The following SSMEM1 variants were observed in gnomAD, a reference collection of about 807,000 sequenced individuals.
SSMEM1 encodes the protein serine-rich single-pass membrane protein 1.
In SSMEM1, 12 loss-of-function variants were observed where a neutral mutation model predicts 9.9. The ratio of observed to expected loss-of-function variants is 1.21; its 90% CI spans 0.78 to 1.96. SSMEM1 has a LOEUF of 1.96. SSMEM1 is among the 30% of genes most tolerant of loss of function. The probability of loss-of-function intolerance (pLI) is 0.00; values close to 1 mark genes in which losing one functional copy is unlikely to be tolerated. For synonymous variants in SSMEM1, 96 were observed against 98.9 expected, an observed-to-expected ratio of 0.97 and a Z score of 0.17; for missense variants, 259 against 292.2, an observed-to-expected ratio of 0.89 and a Z score of 0.83.
At chr7:130,211,324 A>AT (rs905324983) in intron 1 of SSMEM1, among the ~76,000 whole-genome samples, 1 of 151,488 alleles carries the variant, frequency 6.6e-6, no homozygotes, top group Non-Finnish European at 1.5e-5. Context: ...CACCCGGCTA[A>AT]TTTTTTTTGT....
Position 130,216,393 on chromosome 7 carries a change from G to GT in SSMEM1, c.659dup (p.Thr221AsnfsTer16), listed in dbSNP as rs1320961607. 4.3e-6 allele frequency: 7 copies of GT among 1,614,072 alleles called. No individual in the cohort carries two copies. Among genetic ancestry groups the GT allele is most frequent in the Non-Finnish European group, 5.9e-6 (7 of 1,180,052 alleles). On this transcript the variant is annotated frameshift_variant, in exon 3 of 3. Coordinates refer to ENST00000297819, the MANE Select transcript of SSMEM1 (RefSeq NM_145268.4). LOFTEE classifies it low-confidence loss of function (END_TRUNC). ...GCACCATTCCCGACAGAAGCCTTCA[G>GT]TAACACCGCCAATGAAAAGAGACAG...
chr7:130,205,517 G>T (rs1431113793), upstream of SSMEM1: 3 of 1,319,212 alleles, frequency 2.3e-6, no homozygotes, highest in Non-Finnish European at 3.2e-6. Context: ...GGGAGGGGTC[G>T]CAGGCCCAGG....
chr7:130,209,271 CT>C (rs1798546743), intron 1 of SSMEM1, among the ~76,000 whole-genome samples: 1 of 152,194 alleles, frequency 6.6e-6, no homozygotes, highest in East Asian at 1.9e-4. Flanking sequence ...TAGGCCTGGG[CT>C]GGCAGTGGTA....
chr7:130,213,573 G>T, intron 2 of SSMEM1, 39 bp downstream of exon 2: 2 of 1,578,596 alleles, frequency 1.3e-6, no homozygotes, highest in Non-Finnish European at 1.7e-6. Context: ...ACTATGAGGG[G>T]AAGAATATGT....
rs1376736951 is a variant in SSMEM1, at chr7:130,215,291, G to A, written c.239-683G>A. ...TGCACTCTAGCCTGGGCAACAGAGC[G>A]AGACTCCATCTCAAAAACAAAAAAA... On this transcript the variant is annotated intron_variant, in intron 2 of 2. Coordinates refer to ENST00000297819, the MANE Select transcript of SSMEM1 (RefSeq NM_145268.4). 3.9e-5 allele frequency among the ~76,000 whole-genome samples: 6 copies of A among 151,936 alleles called. No homozygotes were observed. In the East Asian group the frequency reaches 5.8e-4, roughly 15 times the overall value.
rs750500555 is a variant in SSMEM1 at position 130,207,917 on chromosome 7, G to C, written c.7G>C (p.Asp3His). The change falls in exon 1 of 3, where the codon GAC becomes CAC. Residue 3 changes from aspartate to histidine, a missense_variant. By Grantham distance (81) the Asp-to-His change is moderately conservative (BLOSUM62 -1). Coordinates refer to ENST00000297819, the MANE Select transcript of SSMEM1 (RefSeq NM_145268.4). ...TTCTGAGCAAGGAGTCATCATGGGAGACCTTTTTTCCTTATTTTGGGAGGT... is the reference window on the plus strand; with the variant it reads ...TTCTGAGCAAGGAGTCATCATGGGACACCTTTTTTCCTTATTTTGGGAGGT... MG[D>H]LFSLFWEVDP... is the part of the protein sequence containing the mutation. The C allele has an allele frequency of 6.2e-7, 1 of 1,613,410 alleles. No individual in the cohort carries two copies. Among genetic ancestry groups the C allele is most frequent in the Non-Finnish European group, 8.5e-7 (1 of 1,179,784 alleles).
chr7:130,212,459 C>T (rs1009145273), intron 1 of SSMEM1, among the ~76,000 whole-genome samples: 3 of 152,116 alleles, frequency 2.0e-5, no homozygotes, highest in African/African-American at 7.2e-5. Flanking sequence ...GGCGCGGTGG[C>T]TTACATCCGT....
At chr7:130,210,633 CT>C (rs1798573886) in intron 1 of SSMEM1, among the ~76,000 whole-genome samples, 1 of 152,180 alleles carries the variant, frequency 6.6e-6, no homozygotes, top group Non-Finnish European at 1.5e-5. Context: ...TGTTAAGTGG[CT>C]TGGAAAAATC....
intron 2 of SSMEM1, among the ~76,000 whole-genome samples, chr7:130,213,740 A>G (rs1798649538): frequency 1.3e-5 from 2 of 151,654 alleles, no homozygotes; most frequent in South Asian, 4.1e-4. Flanking sequence ...AGAAAAAAAG[A>G]AAAATGAAAT....
chr7:130,213,330 A>G (rs1269135128), intron 1 of SSMEM1, 150 bp from the exon 2 acceptor site: 2 of 423,096 alleles, frequency 4.7e-6, no homozygotes, highest in African/African-American at 4.2e-5. Context: ...CCTGGGCAAC[A>G]GAGTGAGACT....
upstream of SSMEM1, chr7:130,207,749 C>T (rs746384178): frequency 7.8e-6 from 6 of 771,338 alleles, no homozygotes; most frequent in Non-Finnish European, 1.1e-5. Flanking sequence ...CTTCCACAAA[C>T]TTAGAAGTCC....
At position 130,216,024 on chromosome 7, in the gene SSMEM1, C is replaced by T. The variant is rs1798698058; in HGVS notation, c.289C>T (p.Pro97Ser). The T allele has an allele frequency of 2.5e-6, 4 of 1,614,182 alleles. No homozygotes were observed. The highest frequency in any genetic ancestry group is 3.4e-6 in the Non-Finnish European group (4 of 1,180,030). Residue 97 changes from proline (P) to serine (S), a missense_variant, in exon 3 of 3, where the codon CCC becomes TCC. Physicochemically the swap from Pro to Ser is moderately conservative, Grantham distance 74 (BLOSUM62 -1). Transcript: ENST00000297819. ...KRQSKDSAWDPSQTMKKPKQN... is the reference protein window; with the variant it reads ...KRQSKDSAWDSSQTMKKPKQN... Reference sequence around the variant, plus strand: ...GCAAAGCAAAGACAGTGCCTGGGATCCCTCACAAACAATGAAGAAACCAAA... The same window carrying T: ...GCAAAGCAAAGACAGTGCCTGGGATTCCTCACAAACAATGAAGAAACCAAA...
intron 1 of SSMEM1, among the ~76,000 whole-genome samples, chr7:130,213,269 A>G (rs1010765946): frequency 2.0e-4 from 30 of 152,142 alleles, no homozygotes; most frequent in Non-Finnish European, 3.7e-4. Flanking sequence ...AATCACTTGA[A>G]CCCGGAAGAT....
At position 130,216,586 on chromosome 7, in the gene SSMEM1, C is replaced by A; in HGVS notation, c.*116C>A. 3.1e-6 allele frequency: 4 copies of A among 1,271,220 alleles called. No individual in the cohort carries two copies. The highest frequency in any genetic ancestry group is 2.4e-5 in the East Asian group (1 of 42,420). The allele number at this position is 1,271,220 out of a possible 1,614,324, so 78.7% of individuals were successfully genotyped here. On this transcript the variant is annotated 3_prime_UTR_variant, in exon 3 of 3. Transcript: ENST00000297819. ...ACAACAAAGTCTCTCTACCAACAAA[C>A]AAAAACATACTTGGAACCCAAGAGG... is the stretch of plus-strand genomic sequence containing the variant.
At chr7:130,211,813 T>C (rs992952100) in intron 1 of SSMEM1, among the ~76,000 whole-genome samples, 4 of 152,212 alleles carry the variant, frequency 2.6e-5, no homozygotes, top group African/African-American at 9.7e-5. Context: ...TCGCTCAAGC[T>C]GTATATACAA....
chr7:130,206,356 A>T (rs528191075), upstream of SSMEM1, among the ~76,000 whole-genome samples: 130 of 152,310 alleles, frequency 8.5e-4, 1 homozygote, highest in Non-Finnish European at 1.5e-3. Flanking sequence ...TTCCTGGAGG[A>T]GATGACGCGT....
chr7:130,216,572 T>C lies in SSMEM1; in HGVS notation c.*102T>C. The C allele has an allele frequency of 7.2e-7, 1 of 1,390,698 alleles. No homozygotes were observed. The highest frequency in any genetic ancestry group is 9.7e-7 in the Non-Finnish European group (1 of 1,026,248). 86.1% of individuals were successfully genotyped at this position (1,390,698 alleles called of 1,614,324 possible). On this transcript the variant is annotated 3_prime_UTR_variant, in exon 3 of 3. Coordinates refer to ENST00000297819, the MANE Select transcript of SSMEM1 (RefSeq NM_145268.4). ...GTGAGGAGACTTTTACAACAAAGTCTCTCTACCAACAAACAAAAACATACT... is the reference window on the plus strand; with the variant it reads ...GTGAGGAGACTTTTACAACAAAGTCCCTCTACCAACAAACAAAAACATACT...
At chr7:130,212,100 T>C (rs1170733080) in intron 1 of SSMEM1, among the ~76,000 whole-genome samples, 5 of 152,232 alleles carry the variant, frequency 3.3e-5, no homozygotes, top group Admixed American at 1.3e-4. Context: ...CTAGTTTTTG[T>C]TATTTTCTGA....
intron 1 of SSMEM1, among the ~76,000 whole-genome samples, chr7:130,212,616 T>G (rs182396538): frequency 6.6e-6 from 1 of 151,538 alleles, no homozygotes; most frequent in African/African-American, 2.4e-5. Context: ...TCCCAGCTAC[T>G]CGGGAGGCTG....
Sources: gnomAD v4.1 joint callset for allele counts (sites outside exome capture counted in the v4.1 genomes callset) on GRCh38, gnomAD v4.1.1 for gene constraint, MANE v1.5 for transcripts, NCBI Gene and HGNC (gene_info 2026-07-23, HGNC 2026-07-21) for gene names.